The following ADGRL2 variants were observed in gnomAD, a reference collection of about 807,000 sequenced individuals.
ADGRL2 encodes calcium-independent alpha-latrotoxin receptor 2.
In ADGRL2, 44 loss-of-function variants were observed where a neutral mutation model predicts 157.4. The observed-to-expected ratio is 0.28, with a 90% CI of 0.22 to 0.36. The LOEUF is 0.36. ADGRL2 is among the 10% of genes least tolerant of loss of function. The pLI, the probability that ADGRL2 is intolerant of heterozygous loss-of-function variation, is 1.00. For synonymous variants in ADGRL2, 585 were observed against 624.7 expected, an observed-to-expected ratio of 0.94 and a Z score of 0.95; for missense variants, 1,510 against 1,768.9, an observed-to-expected ratio of 0.85 and a Z score of 2.63.
chr1:81,909,604 T>C (rs1031549464), intron 3 of ADGRL2, among the ~76,000 whole-genome samples: 1 of 152,198 alleles, frequency 6.6e-6, no homozygotes, highest in African/African-American at 2.4e-5. Context: ...TAAGCCAAGA[T>C]GCAAAGTATG....
At chr1:81,803,136 TG>T (rs1319151361) in intron 1 of ADGRL2, among the ~76,000 whole-genome samples, 5 of 151,552 alleles carry the variant, frequency 3.3e-5, no homozygotes, top group African/African-American at 1.2e-4. Context: ...GTTTGTGGGA[TG>T]GGGGTGCCAC....
intron 2 of ADGRL2, among the ~76,000 whole-genome samples, chr1:81,789,701 C>CAAA (rs34269882): frequency 3.4e-5 from 3 of 88,494 alleles, no homozygotes; most frequent in South Asian, 3.8e-4. Context: ...GTCTCCGTCT[C>CAAA]AAAAAAAAAA....
chr1:81,613,409 G>A (rs1041371285), intron 3 of ADGRL2, among the ~76,000 whole-genome samples: 1 of 152,196 alleles, frequency 6.6e-6, no homozygotes, highest in Non-Finnish European at 1.5e-5. Flanking sequence ...CTGGGAAGGA[G>A]GTGAGGCCGT....
At chr1:81,528,669 A>G (rs1434282884) in intron 2 of ADGRL2, among the ~76,000 whole-genome samples, 2 of 125,064 alleles carry the variant, frequency 1.6e-5, no homozygotes, top group African/African-American at 5.5e-5. Context: ...AAAAAAAAAA[A>G]AAAAAAGAAA....
At position 81,993,494 on chromosome 1, in the gene ADGRL2, T is replaced by C. The variant is rs925499432; in HGVS notation, c.*2349T>C. 6.6e-6 allele frequency among the ~76,000 whole-genome samples: 1 copy of C among 152,118 alleles called. No homozygotes were observed. The highest frequency in any genetic ancestry group is 2.4e-5 in the African/African-American group (1 of 41,440). ...TCTCTTGAGGCAGTTCTCAAAACTC[T>C]AAAGACATGAACACTGCATCGTACC... is the stretch of plus-strand genomic sequence containing the variant. On this transcript the variant is annotated 3_prime_UTR_variant, in exon 24 of 24. Transcript: ENST00000686636.
At chr1:81,506,928 C>T (rs1317330976) in intron 2 of ADGRL2, among the ~76,000 whole-genome samples, 1 of 152,168 alleles carries the variant, frequency 6.6e-6, no homozygotes, top group Non-Finnish European at 1.5e-5. Flanking sequence ...CTCCTCCAGG[C>T]CAGTCACTGT....
chr1:81,341,982 T>C (rs1192403540), intron 1 of ADGRL2, among the ~76,000 whole-genome samples: 1 of 152,166 alleles, frequency 6.6e-6, no homozygotes, highest in Non-Finnish European at 1.5e-5. Flanking sequence ...TTACTATTTT[T>C]CAGACAAATG....
intron 1 of ADGRL2, among the ~76,000 whole-genome samples, chr1:81,415,760 C>T (rs533132365): frequency 6.6e-6 from 1 of 152,214 alleles, no homozygotes; most frequent in Admixed American, 6.5e-5. Flanking sequence ...AGGCAGCATT[C>T]CTGCACATAC....
intron 2 of ADGRL2, among the ~76,000 whole-genome samples, chr1:81,776,033 C>G (rs1467039523): frequency 1.3e-5 from 2 of 151,986 alleles, no homozygotes; most frequent in Non-Finnish European, 2.9e-5. Flanking sequence ...TAATCTTGAC[C>G]ACAAGTAATG....
At chr1:81,973,336 C>A (rs959070903) in intron 17 of ADGRL2, among the ~76,000 whole-genome samples, 5 of 152,108 alleles carry the variant, frequency 3.3e-5, no homozygotes, top group African/African-American at 1.2e-4. Context: ...GTTAACACAG[C>A]CTAAGCCTGT....
chr1:81,683,678 T>G (rs1006362574), intron 3 of ADGRL2, among the ~76,000 whole-genome samples: 1 of 152,174 alleles, frequency 6.6e-6, no homozygotes, highest in Non-Finnish European at 1.5e-5. Flanking sequence ...TGTGTATGTA[T>G]GTACGTATGT....
chr1:81,706,589 G>C (rs1407796510), intron 1 of ADGRL2, among the ~76,000 whole-genome samples: 1 of 152,164 alleles, frequency 6.6e-6, no homozygotes, highest in Non-Finnish European at 1.5e-5. Context: ...CAAAGGATAG[G>C]TGAGATTGTC....
chr1:81,551,727 T>C (rs2080150993), intron 2 of ADGRL2, among the ~76,000 whole-genome samples: 1 of 152,216 alleles, frequency 6.6e-6, no homozygotes, highest in Non-Finnish European at 1.5e-5. Context: ...AGCCTCTGCA[T>C]TTCAAATATC....
intron 2 of ADGRL2, among the ~76,000 whole-genome samples, chr1:81,842,544 G>A (rs1478847055): frequency 6.6e-6 from 1 of 151,372 alleles, no homozygotes; most frequent in Non-Finnish European, 1.5e-5. Flanking sequence ...TTTTAGTAGA[G>A]ACGGGGTTTC....
At chr1:81,935,463 G>A (rs2095296600) in intron 3 of ADGRL2, among the ~76,000 whole-genome samples, 1 of 151,870 alleles carries the variant, frequency 6.6e-6, no homozygotes. Flanking sequence ...CAAAGAGAAA[G>A]TCTAGTTTTG....
chr1:81,442,425 A>G (rs758171625), intron 1 of ADGRL2, among the ~76,000 whole-genome samples: 1 of 152,226 alleles, frequency 6.6e-6, no homozygotes, highest in Non-Finnish European at 1.5e-5. Flanking sequence ...TTAAAATTAC[A>G]TCTATTACCT....
At chr1:81,611,087 G>A (rs2081532373) in intron 3 of ADGRL2, among the ~76,000 whole-genome samples, 1 of 152,188 alleles carries the variant, frequency 6.6e-6, no homozygotes, top group South Asian at 2.1e-4. Flanking sequence ...AAAGCCTTCA[G>A]TAGCATCATG....
chr1:81,516,593 G>A (rs2148127936), intron 2 of ADGRL2, among the ~76,000 whole-genome samples: 1 of 152,298 alleles, frequency 6.6e-6, no homozygotes, highest in African/African-American at 2.4e-5. Context: ...TGTAAGAAAT[G>A]TTTTCAATAA....
intron 23 of ADGRL2, among the ~76,000 whole-genome samples, chr1:81,989,035 G>C (rs970133506): frequency 4.6e-5 from 7 of 150,906 alleles, no homozygotes; most frequent in Non-Finnish European, 7.4e-5. Context: ...ACTTTCCATG[G>C]TGCAGACCAT....
Sources: gnomAD v4.1 joint callset for allele counts (sites outside exome capture counted in the v4.1 genomes callset) on GRCh38, gnomAD v4.1.1 for gene constraint, MANE v1.5 for transcripts, NCBI Gene and HGNC (gene_info 2026-07-23, HGNC 2026-07-21) for gene names.